TEX9: variants seen among roughly 807,000 people sequenced by gnomAD.
The protein encoded by TEX9 is testis expressed 9.
Under a neutral mutation model 59.6 loss-of-function variants are expected in TEX9, and 74 were observed. The observed-to-expected ratio is 1.24, with a 90% confidence interval of 1.03 to 1.51. TEX9 has a LOEUF of 1.51. TEX9 is among the 40% of genes most tolerant of loss of function. The pLI is 0.00. For missense variants in TEX9, 522 were observed against 447.8 expected (o/e 1.17, Z -1.49); for synonymous variants, 186 against 152.2 (o/e 1.22, Z -1.64).
intron 1 of TEX9, among the ~76,000 whole-genome samples, chr15:56,255,426 G>A (rs2044123528): frequency 6.6e-6 from 1 of 151,908 alleles, no homozygotes; most frequent in African/African-American, 2.4e-5. Flanking sequence ...CAGAAAAAAA[G>A]TCAAGCCATC....
chr15:56,455,493 G>A, the TEX9 span, among the ~76,000 whole-genome samples: 1 of 152,102 alleles, frequency 6.6e-6, no homozygotes, highest in Non-Finnish European at 1.5e-5. Context: ...GCTCATCCAT[G>A]TTTCCTGTAA....
chr15:56,434,025 A>G (rs1429355918), intron 12 of TEX9: 1 of 1,166,496 alleles, frequency 8.6e-7, no homozygotes, highest in East Asian at 2.4e-5. Flanking sequence ...ATATTAGTAA[A>G]CATACTAACA....
intron 2 of TEX9, among the ~76,000 whole-genome samples, chr15:56,371,304 A>G (rs2047181286): frequency 6.6e-6 from 1 of 152,188 alleles, no homozygotes; most frequent in South Asian, 2.1e-4. Flanking sequence ...CATTCCTTCT[A>G]TGCCCATTAT....
At chr15:56,365,386 G>C, upstream of TEX9, 2 of 1,575,026 alleles carry the variant, frequency 1.3e-6, no homozygotes, top group Non-Finnish European at 1.7e-6. Context: ...GGAGGCAACC[G>C]GGATGTGGAA....
chr15:56,252,473 A>G (rs538274151), intron 1 of TEX9, among the ~76,000 whole-genome samples: 1 of 146,312 alleles, frequency 6.8e-6, no homozygotes, highest in African/African-American at 2.5e-5. Context: ...CTTATTCATA[A>G]TAATGGTGTA....
intron 1 of TEX9, among the ~76,000 whole-genome samples, chr15:56,343,668 T>C (rs143934640): frequency 6.6e-5 from 10 of 152,174 alleles, no homozygotes; most frequent in African/African-American, 2.4e-4. Context: ...TAGAAACACA[T>C]TTTGCCATCA....
intron 12 of TEX9, chr15:56,443,781 G>A (rs756899563): frequency 1.9e-6 from 3 of 1,612,658 alleles, no homozygotes; most frequent in Non-Finnish European, 2.5e-6. Flanking sequence ...TTTCTCCAGA[G>A]AGCCTGCTCT....
At chr15:56,428,165 T>G (rs2050409426) in intron 11 of TEX9, among the ~76,000 whole-genome samples, 1 of 152,072 alleles carries the variant, frequency 6.6e-6, no homozygotes, top group Non-Finnish European at 1.5e-5. Context: ...AGAATTATTA[T>G]TATCTTAAAA....
chr15:56,432,442 T>C (rs1445365884), intron 12 of TEX9, among the ~76,000 whole-genome samples: 1 of 152,088 alleles, frequency 6.6e-6, no homozygotes, highest in Non-Finnish European at 1.5e-5. Flanking sequence ...GTCTCTGAAA[T>C]CCAAAAAACA....
intron 1 of TEX9, among the ~76,000 whole-genome samples, chr15:56,301,213 G>A (rs2045352604): frequency 6.6e-6 from 1 of 152,100 alleles, no homozygotes; most frequent in African/African-American, 2.4e-5. Flanking sequence ...AAAATGCAAT[G>A]GGCATATTAA....
rs1004371717 is a variant in TEX9, at chr15:56,407,595, T to C, written c.829-4707T>C. Among the ~76,000 whole-genome samples the C allele has an allele frequency of 9.8e-5, 15 of 152,286 alleles. No homozygotes were observed. In the East Asian group the frequency reaches 1.4e-3, roughly 14 times the overall value. On this transcript the variant is annotated intron_variant, in intron 9 of 12. Transcript: ENST00000352903. Reference sequence around the variant, plus strand: ...TGATACTGATAATTTGTCTCTTCTGTCATTTATTCTTAATCAGTCCTACTT... The same window carrying C: ...TGATACTGATAATTTGTCTCTTCTGCCATTTATTCTTAATCAGTCCTACTT...
chr15:56,390,662 CT>C (rs1245803599), intron 6 of TEX9, among the ~76,000 whole-genome samples: 3 of 151,926 alleles, frequency 2.0e-5, no homozygotes, highest in African/African-American at 7.3e-5. Flanking sequence ...TCACATCCAA[CT>C]TTTTGGTTAG....
chr15:56,423,796 T>G (rs1296411889), intron 10 of TEX9, among the ~76,000 whole-genome samples: 2 of 152,188 alleles, frequency 1.3e-5, no homozygotes, highest in Admixed American at 1.3e-4. Flanking sequence ...TCAATCGTTT[T>G]GGGGGAACAG....
At chr15:56,448,799 G>A (rs2050927089), downstream of TEX9, among the ~76,000 whole-genome samples, 1 of 146,984 alleles carries the variant, frequency 6.8e-6, no homozygotes, top group Non-Finnish European at 1.5e-5. Flanking sequence ...TGTCATTCAG[G>A]CTGGAGTGCA....
intron 12 of TEX9, chr15:56,428,847 CTT>C: frequency 2.4e-6 from 1 of 420,802 alleles, no homozygotes. Context: ...AATATACTGT[CTT>C]GAGGATGGGG....
chr15:56,300,371 T>C (rs1343771898), intron 1 of TEX9, among the ~76,000 whole-genome samples: 1 of 152,066 alleles, frequency 6.6e-6, no homozygotes, highest in Non-Finnish European at 1.5e-5. Context: ...AATAGGTTCA[T>C]AAGGTTCCTG....
intron 1 of TEX9, among the ~76,000 whole-genome samples, chr15:56,245,523 G>A (rs538645664): frequency 1.3e-5 from 2 of 152,284 alleles, no homozygotes; most frequent in East Asian, 3.9e-4. Context: ...ATCTTCATGT[G>A]GGTGTGTAAA....
chr15:56,458,006 G>T, the TEX9 span, among the ~76,000 whole-genome samples: 5 of 151,928 alleles, frequency 3.3e-5, no homozygotes, highest in Admixed American at 2.0e-4. Flanking sequence ...AATAAACTGT[G>T]GTACATCCAT....
chr15:56,274,856 T>A (rs2044632185), intron 1 of TEX9, among the ~76,000 whole-genome samples: 1 of 152,224 alleles, frequency 6.6e-6, no homozygotes, highest in Non-Finnish European at 1.5e-5. Flanking sequence ...ATTCCTCTGC[T>A]ATTACTTTAA....
Sources: allele counts gnomAD v4.1 joint callset (sites outside exome capture counted in the v4.1 genomes callset), GRCh38; gene constraint gnomAD v4.1.1; transcripts MANE v1.5; gene names NCBI Gene and HGNC (gene_info 2026-07-23, HGNC 2026-07-21).